The following OTUD7A variants were observed in gnomAD, a reference collection of about 807,000 sequenced individuals.
OTUD7A encodes the protein OTU deubiquitinase 7A.
OTUD7A carries 12 observed loss-of-function variants against 65.7 expected under a neutral mutation model. That is an observed-to-expected ratio of 0.18 (90% confidence interval 0.12 to 0.30). The LOEUF (loss-of-function observed/expected upper bound fraction) is 0.30. OTUD7A is among the 10% of genes least tolerant of loss of function. The pLI, the probability that OTUD7A is intolerant of heterozygous loss-of-function variation, is 1.00. For missense variants in OTUD7A, 1,148 were observed against 1,304.8 expected, an observed-to-expected ratio of 0.88 and a Z score of 1.85; for synonymous variants, 641 against 586.3, an observed-to-expected ratio of 1.09 and a Z score of -1.35.
intron 3 of OTUD7A, among the ~76,000 whole-genome samples, chr15:31,587,966 T>C (rs1033310836): frequency 1.3e-5 from 2 of 152,076 alleles, no homozygotes; most frequent in African/African-American, 4.8e-5. Context: ...AGGCTCTCCC[T>C]GACCTTTTTA....
intron 1 of OTUD7A, among the ~76,000 whole-genome samples, chr15:31,850,642 C>T (rs1897401222): frequency 6.6e-6 from 1 of 152,132 alleles, no homozygotes; most frequent in Non-Finnish European, 1.5e-5. Context: ...TCTGCTCACA[C>T]CCACCACAAC....
chr15:31,821,220 C>T (rs1270215352), intron 1 of OTUD7A, among the ~76,000 whole-genome samples: 5 of 148,142 alleles, frequency 3.4e-5, no homozygotes, highest in Non-Finnish European at 7.4e-5. Flanking sequence ...ACTGCAACCT[C>T]CACCTCCCGG....
chr15:31,586,203 T>A (rs1247752286), intron 3 of OTUD7A, among the ~76,000 whole-genome samples: 3 of 152,220 alleles, frequency 2.0e-5, no homozygotes, highest in Non-Finnish European at 4.4e-5. Flanking sequence ...AGGCAGAACA[T>A]AAAGACTCTG....
At chr15:31,724,651 T>C (rs1893834096) in intron 1 of OTUD7A, among the ~76,000 whole-genome samples, 1 of 152,158 alleles carries the variant, frequency 6.6e-6, no homozygotes, top group Admixed American at 6.5e-5. Context: ...GCCATGCAGT[T>C]GCTCTCACAC....
At chr15:31,755,767 A>G (rs1894795726) in intron 1 of OTUD7A, among the ~76,000 whole-genome samples, 2 of 151,988 alleles carry the variant, frequency 1.3e-5, no homozygotes, top group South Asian at 2.1e-4. Flanking sequence ...GAAATTTTCA[A>G]GTAAGAATGG....
intron 1 of OTUD7A, among the ~76,000 whole-genome samples, chr15:31,659,073 AAATAAATAAAAT>A (rs1462635111): frequency 1.4e-4 from 21 of 146,048 alleles, no homozygotes; most frequent in African/African-American, 5.4e-4. Flanking sequence ...ATAAATAAAT[AAATAAATAAAAT>A]AAAATTAAAA....
At chr15:31,588,538 A>G (rs1007642261) in intron 3 of OTUD7A, among the ~76,000 whole-genome samples, 3 of 152,202 alleles carry the variant, frequency 2.0e-5, no homozygotes, top group African/African-American at 7.2e-5. Flanking sequence ...ATTCTGATAA[A>G]TTAATTTTGT....
rs530064740 is a variant in OTUD7A, at chr15:31,861,808, T to C, written c.-100+8699A>G. On this transcript the variant is annotated intron_variant, in intron 1 of 12. Coordinates refer to ENST00000307050, the MANE Select transcript of OTUD7A (RefSeq NM_001382637.1). ...CAAGTTAAACAGACAACCAGAGAGTTTTCACTCAATCTAATAATCTAATGC... is the reference window on the plus strand; with the variant it reads ...CAAGTTAAACAGACAACCAGAGAGTCTTCACTCAATCTAATAATCTAATGC... Among the ~76,000 whole-genome samples the C allele has an allele frequency of 2.0e-5, 3 of 152,194 alleles. No homozygotes were observed. The East Asian group carries it at 5.8e-4, about 29-fold the overall frequency.
In OTUD7A at chr15:31,484,014, G is replaced by A. The variant is rs2041188104; in HGVS notation, c.2082C>T (p.Ala694=). The change falls in exon 13 of 13, where the codon GCC becomes GCT. Residue 694 remains alanine, a synonymous_variant. Coordinates refer to ENST00000307050, the MANE Select transcript of OTUD7A (RefSeq NM_001382637.1). The surrounding 1 kb of genome is among the most constrained non-coding windows in gnomAD (Gnocchi z 4.5). ...ATAAAAAAAA[A]AATAKRPPRR... ...GCGGCGGCCGCTTGGCCGTGGCGGC[G>A]GCGGCGGCGGCGGCAGCGGCGGCCG... is the stretch of plus-strand genomic sequence containing the variant. 1.7e-6 allele frequency: 2 copies of A among 1,192,082 alleles called. No individual in the cohort carries two copies. Among genetic ancestry groups the A allele is most frequent in the East Asian group, 7.1e-5 (2 of 28,000 alleles). The allele number at this position is 1,192,082 out of a possible 1,614,324, so 73.8% of individuals were successfully genotyped here. A position where few individuals can be genotyped will look rare whatever the true frequency, so the allele number is the denominator to read the frequency against.
intron 1 of OTUD7A, among the ~76,000 whole-genome samples, chr15:31,672,918 G>T (rs147825292): frequency 4.6e-5 from 7 of 152,298 alleles, no homozygotes; most frequent in African/African-American, 1.4e-4. Flanking sequence ...GCACTGAAAT[G>T]ATATACTCAT....
At chr15:31,507,361 T>TG (rs1383682735) in intron 8 of OTUD7A, among the ~76,000 whole-genome samples, 1 of 152,008 alleles carries the variant, frequency 6.6e-6, no homozygotes, top group East Asian at 1.9e-4. Context: ...TATGTTTTTT[T>TG]TGTGTGTGTG....
chr15:31,570,807 G>T (rs1167579914), intron 3 of OTUD7A, among the ~76,000 whole-genome samples: 1 of 152,028 alleles, frequency 6.6e-6, no homozygotes, highest in East Asian at 1.9e-4. Context: ...CCCCGACACG[G>T]GGTGCTGGAC....
At chr15:31,654,847 C>G (rs1481544341) in intron 3 of OTUD7A, among the ~76,000 whole-genome samples, 3 of 152,192 alleles carry the variant, frequency 2.0e-5, no homozygotes, top group African/African-American at 7.2e-5. Context: ...TCCGCTAACA[C>G]AGAGATATGA....
intron 9 of OTUD7A, among the ~76,000 whole-genome samples, chr15:31,502,802 G>C (rs143221924): frequency 2.0e-5 from 3 of 152,184 alleles, no homozygotes; most frequent in Non-Finnish European, 4.4e-5. Flanking sequence ...CAGCAGGCCC[G>C]CGTCCCTGAG....
intron 1 of OTUD7A, among the ~76,000 whole-genome samples, chr15:31,815,482 A>C (rs1290508334): frequency 6.6e-6 from 1 of 152,242 alleles, no homozygotes. Flanking sequence ...TCTACCCAGC[A>C]AGGAACGAGC....
chr15:31,775,363 T>A (rs1456518962), intron 1 of OTUD7A, among the ~76,000 whole-genome samples: 2 of 152,192 alleles, frequency 1.3e-5, no homozygotes, highest in African/African-American at 4.8e-5. Flanking sequence ...TCAGCACACA[T>A]CAGTGGATGA....
At chr15:31,558,726 G>A (rs775285170) in intron 5 of OTUD7A, 7 of 582,518 alleles carry the variant, frequency 1.2e-5, no homozygotes, top group Non-Finnish European at 1.8e-5. Flanking sequence ...CTGGGATTTA[G>A]GAGCAAGGGG....
chr15:31,486,525 G>A (rs969733537), intron 12 of OTUD7A, among the ~76,000 whole-genome samples: 34 of 152,348 alleles, frequency 2.2e-4, no homozygotes, highest in African/African-American at 8.2e-4. Flanking sequence ...TTCCCTGGCA[G>A]TTCACTACTG....
At chr15:31,737,828 A>G (rs568517086) in intron 1 of OTUD7A, among the ~76,000 whole-genome samples, 3 of 152,358 alleles carry the variant, frequency 2.0e-5, no homozygotes, top group African/African-American at 7.2e-5. Flanking sequence ...AAGGACATCC[A>G]TGCTGTACAG....
Sources: gnomAD v4.1 joint callset for allele counts (sites outside exome capture counted in the v4.1 genomes callset) on GRCh38, gnomAD v4.1.1 for gene constraint, Gnocchi (gnomAD v3.1) non-coding constraint, MANE v1.5 for transcripts, NCBI Gene and HGNC (gene_info 2026-07-23, HGNC 2026-07-21) for gene names.